Variants in BMPR2 observed in about 807,000 individuals in gnomAD.
BMPR2 encodes bone morphogenetic protein receptor type 2, also known as bone morphogenetic protein receptor type-2.
A neutral mutation model predicts 100.8 loss-of-function variants in BMPR2; 29 were observed. The observed-to-expected ratio is 0.29, with a 90% confidence interval of 0.21 to 0.39. The LOEUF (loss-of-function observed/expected upper bound fraction) is 0.39, where lower values mean the gene tolerates loss of function less well. Ranked by LOEUF, BMPR2 falls within the 10% of genes least tolerant of loss-of-function variation. BMPR2 has a pLI of 1.00. For synonymous variants in BMPR2, 382 were observed against 442.3 expected, an observed-to-expected ratio of 0.86 and a Z score of 1.71; for missense variants, 1,011 against 1,274.5, an observed-to-expected ratio of 0.79 and a Z score of 3.15.
chr2:202,384,495 G>T (rs1026346133), intron 1 of BMPR2, among the ~76,000 whole-genome samples: 1 of 147,006 alleles, frequency 6.8e-6, no homozygotes, highest in Non-Finnish European at 1.5e-5. Flanking sequence ...TGCAAATGGA[G>T]GTTGAGAAAT....
Position 202,563,883 on chromosome 2 carries a change from C to A in BMPR2, c.*3937C>A, listed in dbSNP as rs1433027074. Reference sequence around the variant, plus strand: ...AATTGAGTAGGATATAGGAAGGATACAAGGATATAATGTCCTTTTTATAAA... The same window carrying A: ...AATTGAGTAGGATATAGGAAGGATAAAAGGATATAATGTCCTTTTTATAAA... On this transcript the variant is annotated 3_prime_UTR_variant, in exon 13 of 13. Coordinates refer to ENST00000374580, the MANE Select transcript of BMPR2 (RefSeq NM_001204.7). The A allele has an allele frequency of 6.6e-6, 1 of 152,096 alleles. No homozygotes were observed. The highest frequency in any genetic ancestry group is 1.5e-5 in the Non-Finnish European group (1 of 68,014). 9.4% of individuals were successfully genotyped at this position (152,096 alleles called of 1,614,324 possible).
intron 3 of BMPR2, chr2:202,469,637 C>T (rs761274566): frequency 2.3e-5 from 4 of 174,316 alleles, no homozygotes; most frequent in Admixed American, 6.0e-5. Flanking sequence ...TGCCACCACA[C>T]CCAGCTAATT....
At position 202,560,159 on chromosome 2, in the gene BMPR2, T is replaced by G; in HGVS notation, c.*213T>G. 2 of 599,528 alleles carry G rather than the reference T, an allele frequency of 3.3e-6. No homozygotes were observed. Among genetic ancestry groups the G allele is most frequent in the African/African-American group, 1.9e-5 (1 of 53,906 alleles). 37.1% of individuals were successfully genotyped at this position (599,528 alleles called of 1,614,324 possible). A position where few individuals can be genotyped will look rare whatever the true frequency, so the allele number is the denominator to read the frequency against. The stretch of plus-strand genomic sequence containing the variant: ...TTTTGTTTTTTAAGTTTTGCACTTT[T>G]GTTTAGTCTCGCTAAAGTTATATTT... On this transcript the variant is annotated 3_prime_UTR_variant, in exon 13 of 13. Coordinates refer to ENST00000374580, the MANE Select transcript of BMPR2 (RefSeq NM_001204.7).
chr2:202,473,909 A>T (rs1692485516), intron 3 of BMPR2, among the ~76,000 whole-genome samples: 1 of 152,022 alleles, frequency 6.6e-6, no homozygotes, highest in Non-Finnish European at 1.5e-5. Context: ...GTTCAAGATC[A>T]GCTTGGCCAA....
At chr2:202,455,116 G>A (rs1483567011) in intron 1 of BMPR2, among the ~76,000 whole-genome samples, 1 of 152,208 alleles carries the variant, frequency 6.6e-6, no homozygotes, top group African/African-American at 2.4e-5. Context: ...TAGGGTTTCA[G>A]TAAGTGAATT....
intron 1 of BMPR2, among the ~76,000 whole-genome samples, chr2:202,379,302 A>G (rs1339215231): frequency 6.6e-6 from 1 of 152,190 alleles, no homozygotes; most frequent in Non-Finnish European, 1.5e-5. Context: ...GTTGTAGGTT[A>G]TTATCATTCC....
chr2:202,507,072 TAAAAA>T (rs74622497), intron 3 of BMPR2, among the ~76,000 whole-genome samples: 1 of 121,594 alleles, frequency 8.2e-6, no homozygotes, highest in Admixed American at 8.6e-5. Flanking sequence ...GACTCTGCCT[TAAAAA>T]AAAAAAAAAA....
At chr2:202,550,318 A>G (rs1259600184) in intron 10 of BMPR2, among the ~76,000 whole-genome samples, 3 of 149,314 alleles carry the variant, frequency 2.0e-5, no homozygotes, top group African/African-American at 7.4e-5. Context: ...GCTTGCAGTG[A>G]GCCGAGATCG....
At position 202,555,920 on chromosome 2, in the gene BMPR2, C is replaced by G; in HGVS notation, c.2255C>G (p.Pro752Arg). 1 of 1,614,142 alleles carries G rather than the reference C, an allele frequency of 6.2e-7. No homozygotes were observed. Among genetic ancestry groups the G allele is most frequent in the Non-Finnish European group, 8.5e-7 (1 of 1,180,026 alleles). ...CCTCTCCCCAAGCAGCAGAACCTTC[C>G]CAAGAGACCTACTAGTTTGCCTTTG... ...IYPLPKQQNL[P>R]KRPTSLPLNT... Residue 752 changes from proline to arginine, a missense_variant, in exon 12 of 13, where the codon CCC (proline) becomes CGC (arginine). Coordinates refer to ENST00000374580, the MANE Select transcript of BMPR2 (RefSeq NM_001204.7).
rs1641856376 is a variant in BMPR2 at position 202,467,548 on chromosome 2, G to C, written c.277G>C (p.Glu93Gln). The C allele has an allele frequency of 1.2e-5, 19 of 1,565,674 alleles. No homozygotes were observed. The highest frequency in any genetic ancestry group is 1.7e-5 in the Non-Finnish European group (19 of 1,136,074). Reference sequence around the variant, plus strand: ...TTGGTCTCACATTGGAGATCCCCAAGAGTGTCACTATGAAGAATGTGTAGT... The same window carrying C: ...TTGGTCTCACATTGGAGATCCCCAACAGTGTCACTATGAAGAATGTGTAGT... ...GCWSHIGDPQ[E>Q]CHYEECVVTT... Residue 93 changes from glutamate to glutamine, a missense_variant, in exon 3 of 13, where the codon GAG (glutamate) becomes CAG (glutamine). By Grantham distance (29) the Glu-to-Gln change is conservative (BLOSUM62 2). Around this residue, in one of 6 missense-constraint regions of BMPR2, gnomAD observed 355 missense variants for 455.3 expected, o/e 0.78. Transcript: ENST00000374580.
Position 202,467,697 on chromosome 2 carries a change from A to G in BMPR2, c.418+8A>G. ...CTGACACAACACCACTCAGTAAGTA[A>G]AGTAACCAACTTTTCTTTGTATTTC... On this transcript the variant is annotated splice_region_variant and intron_variant, in intron 3 of 12. Coordinates refer to ENST00000374580, the MANE Select transcript of BMPR2 (RefSeq NM_001204.7). 1 of 1,603,352 alleles carries G rather than the reference A, an allele frequency of 6.2e-7. No individual in the cohort carries two copies. Among genetic ancestry groups the G allele is most frequent in the Non-Finnish European group, 8.5e-7 (1 of 1,170,208 alleles).
intron 1 of BMPR2, among the ~76,000 whole-genome samples, chr2:202,381,116 A>G (rs1323772791): frequency 6.6e-6 from 1 of 151,680 alleles, no homozygotes; most frequent in Non-Finnish European, 1.5e-5. Flanking sequence ...CTGGGACTAC[A>G]GGTGTGCACC....
At chr2:202,464,263 G>A (rs1282061375) in intron 1 of BMPR2, among the ~76,000 whole-genome samples, 1 of 147,492 alleles carries the variant, frequency 6.8e-6, no homozygotes, top group African/African-American at 2.5e-5. Context: ...TTTTGCAAAT[G>A]TACACACTTG....
chr2:202,547,491 G>T (rs1326533396), intron 10 of BMPR2, among the ~76,000 whole-genome samples: 1 of 152,030 alleles, frequency 6.6e-6, no homozygotes, highest in Non-Finnish European at 1.5e-5. Flanking sequence ...CACATAAAAG[G>T]TGGCAACTTA....
intron 5 of BMPR2, among the ~76,000 whole-genome samples, chr2:202,517,174 C>T (rs533905135): frequency 6.6e-6 from 1 of 150,896 alleles, no homozygotes; most frequent in African/African-American, 2.4e-5. Flanking sequence ...GAGCTGAGAC[C>T]GTGCCACTGC....
intron 7 of BMPR2, among the ~76,000 whole-genome samples, chr2:202,527,657 G>T (rs1369231266): frequency 2.5e-4 from 36 of 145,344 alleles, no homozygotes; most frequent in East Asian, 1.7e-3. Context: ...CGCGGTGGCG[G>T]GCGCCTGTAG....
At chr2:202,382,351 C>T (rs544418815) in intron 1 of BMPR2, among the ~76,000 whole-genome samples, 26 of 152,122 alleles carry the variant, frequency 1.7e-4, no homozygotes, top group African/African-American at 6.3e-4. Flanking sequence ...AGCCACCACA[C>T]CCGAAATTTT....
intron 1 of BMPR2, among the ~76,000 whole-genome samples, chr2:202,406,411 G>A (rs1690892895): frequency 6.6e-6 from 1 of 152,182 alleles, no homozygotes; most frequent in Non-Finnish European, 1.5e-5. Flanking sequence ...TTGTCAGGAG[G>A]ATGCTAGGCT....
At chr2:202,450,214 T>A (rs1249397698) in intron 1 of BMPR2, among the ~76,000 whole-genome samples, 1 of 152,174 alleles carries the variant, frequency 6.6e-6, no homozygotes, top group Non-Finnish European at 1.5e-5. Flanking sequence ...ACATCAAATT[T>A]GAGAACATCC....
Sources: gnomAD v4.1 joint callset for allele counts (sites outside exome capture counted in the v4.1 genomes callset) on GRCh38, gnomAD v4.1.1 for gene constraint, gnomAD v4.1.1 regional missense constraint, MANE v1.5 for transcripts, NCBI Gene and HGNC (gene_info 2026-07-23, HGNC 2026-07-21) for gene names.